SMC5: variants seen among roughly 807,000 people sequenced by gnomAD.
The protein encoded by SMC5 is structural maintenance of chromosomes protein 5.
SMC5 carries 88 observed loss-of-function variants against 148.3 expected under a neutral mutation model. The ratio of observed to expected loss-of-function variants is 0.59; its 90% CI spans 0.50 to 0.71. The LOEUF (loss-of-function observed/expected upper bound fraction) is 0.71. Ranked by LOEUF, SMC5 falls within the 30% of genes least tolerant of loss-of-function variation. The probability of loss-of-function intolerance (pLI) is 0.00; values close to 1 mark genes in which losing one functional copy is unlikely to be tolerated. For missense variants in SMC5, 1,142 were observed against 1,298.9 expected (o/e 0.88, Z 1.86); for synonymous variants, 421 against 432.8 (o/e 0.97, Z 0.34).
chr9:70,348,240 A>G (rs1294904337), intron 22 of SMC5, among the ~76,000 whole-genome samples: 4 of 152,124 alleles, frequency 2.6e-5, no homozygotes, highest in Admixed American at 1.3e-4. Context: ...GGAATTAGTG[A>G]CTAATACCTT....
chr9:70,265,556 CATTAA>C (rs926982225), intron 2 of SMC5, among the ~76,000 whole-genome samples: 1 of 152,076 alleles, frequency 6.6e-6, no homozygotes, highest in Non-Finnish European at 1.5e-5. Context: ...TCTAAACTCT[CATTAA>C]ATTATAAAGT....
At chr9:70,265,807 C>T (rs573120515) in intron 2 of SMC5, among the ~76,000 whole-genome samples, 6 of 152,288 alleles carry the variant, frequency 3.9e-5, no homozygotes, top group African/African-American at 1.2e-4. Flanking sequence ...TTTTAATTCA[C>T]TGGAAGATAA....
intron 11 of SMC5, chr9:70,311,427 T>C (rs1159107460): frequency 6.6e-6 from 1 of 152,158 alleles, no homozygotes; most frequent in Admixed American, 6.5e-5. Flanking sequence ...CCAATGACAA[T>C]GGTAGTATCA....
intron 10 of SMC5, among the ~76,000 whole-genome samples, chr9:70,302,894 T>A (rs12006212): frequency 2.0e-5 from 3 of 151,882 alleles, no homozygotes; most frequent in Admixed American, 1.3e-4. Context: ...GTTTATATAC[T>A]CTGGGGGCCT....
chr9:70,347,462 C>A, intron 20 of SMC5, 151 bp from the exon 21 acceptor site: 1 of 533,004 alleles, frequency 1.9e-6, no homozygotes, highest in Non-Finnish European at 3.3e-6. Flanking sequence ...AAAAATGTCA[C>A]TTTCAGTATG....
intron 3 of SMC5, among the ~76,000 whole-genome samples, 196 bp downstream of exon 3, chr9:70,268,171 A>T (rs1587617577): frequency 6.6e-6 from 1 of 152,244 alleles, no homozygotes; most frequent in Non-Finnish European, 1.5e-5. Context: ...TAGGCTAGCC[A>T]TGGTGGCTCA....
intron 1 of SMC5, among the ~76,000 whole-genome samples, chr9:70,260,190 C>T (rs996546277): frequency 2.0e-5 from 3 of 152,176 alleles, no homozygotes; most frequent in African/African-American, 7.2e-5. Context: ...CTGCAACCTC[C>T]GCCTCCCAGT....
rs149704181 is a variant in SMC5 at position 70,263,143 on chromosome 9, A to G, written c.186-1161A>G. Among the ~76,000 whole-genome samples the G allele has an allele frequency of 3.9e-3, 601 of 152,308 alleles. 3 individuals are homozygous for G. Among genetic ancestry groups the G allele is most frequent in the African/African-American group, 0.013 (556 of 41,578 alleles). On this transcript the variant is annotated intron_variant, in intron 1 of 24. Coordinates refer to ENST00000361138, the MANE Select transcript of SMC5 (RefSeq NM_015110.4). ...CAACAGGAAATCCAAGTGGGGCTTC[A>G]TGTGTTGAGCGTAAGAAGTTCCATG...
intron 8 of SMC5, 63 bp from the exon 9 acceptor site, chr9:70,297,903 A>G (rs942505925): frequency 2.6e-6 from 4 of 1,532,488 alleles, no homozygotes; most frequent in Non-Finnish European, 3.5e-6. Context: ...CTATATTACT[A>G]CAGAAGTCTT....
rs1292150476 is a variant in SMC5, at chr9:70,259,092, G to A, written c.14G>A (p.Ser5Asn). 6.2e-7 allele frequency: 1 copy of A among 1,607,930 alleles called. No individual in the cohort carries two copies. Among genetic ancestry groups the A allele is most frequent in the Non-Finnish European group, 8.5e-7 (1 of 1,176,714 alleles). ...GAGGAAGCCAGGATGGCGACTCCGA[G>A]CAAGAAGACGTCAACTCCAAGCCCC... MATP[S>N]KKTSTPSPQP... Residue 5 changes from serine to asparagine, a missense_variant, in exon 1 of 25, where the codon AGC (serine) becomes AAC (asparagine). Around this residue, in one of 5 missense-constraint regions of SMC5, gnomAD observed 297 missense variants for 302.6 expected, o/e 0.98. Coordinates refer to ENST00000361138, the MANE Select transcript of SMC5 (RefSeq NM_015110.4).
intron 10 of SMC5, among the ~76,000 whole-genome samples, chr9:70,303,125 G>A (rs2035402168): frequency 1.3e-5 from 2 of 152,080 alleles, no homozygotes; most frequent in Non-Finnish European, 1.5e-5. Flanking sequence ...AACTCAGGAG[G>A]CTGAGGTGAG....
At chr9:70,263,022 G>A (rs1180100) in intron 1 of SMC5, among the ~76,000 whole-genome samples, 12,166 of 151,610 alleles carry the variant, frequency 0.08, 594 homozygotes, top group African/African-American at 0.14. Flanking sequence ...ATATCGATGC[G>A]TATTTTATAG....
chr9:70,284,445 T>C (rs1446782533), intron 7 of SMC5, among the ~76,000 whole-genome samples: 1 of 152,192 alleles, frequency 6.6e-6, no homozygotes, highest in Non-Finnish European at 1.5e-5. Context: ...TGGCAGTCGT[T>C]GTTATGTTAA....
chr9:70,347,546 G>T (rs1473733196), intron 20 of SMC5, 67 bp from the exon 21 acceptor site: 7 of 831,296 alleles, frequency 8.4e-6, no homozygotes, highest in Admixed American at 6.5e-5. Flanking sequence ...TTTAATCAAT[G>T]CAAAATTGTA....
At chr9:70,314,405 A>G (rs906623089) in intron 11 of SMC5, among the ~76,000 whole-genome samples, 15 of 152,150 alleles carry the variant, frequency 9.9e-5, no homozygotes, top group African/African-American at 3.4e-4. Context: ...AGAGTTTACA[A>G]TCATTGTTTG....
intron 9 of SMC5, 51 bp downstream of exon 9, chr9:70,298,272 C>T: frequency 6.5e-7 from 1 of 1,536,024 alleles, no homozygotes; most frequent in Non-Finnish European, 8.8e-7. Flanking sequence ...AGATACATCT[C>T]TGTTGATGAA....
chr9:70,318,935 G>A lies in SMC5; in HGVS notation c.2122G>A (p.Glu708Lys). Residue 708 changes from glutamate to lysine, a missense_variant, in exon 15 of 25, where the codon GAA becomes AAA. Coordinates refer to ENST00000361138, the MANE Select transcript of SMC5 (RefSeq NM_015110.4). ...LERKTKKRQL[E>K]QKISSKLGSL... is the part of the protein sequence containing the mutation. ...GAGAAAAACCAAGAAAAGACAACTG[G>A]AACAAAAAATCAGTTCCAAACTAGG... 1 of 1,607,552 alleles carries A rather than the reference G, an allele frequency of 6.2e-7. No individual in the cohort carries two copies.
intron 9 of SMC5, among the ~76,000 whole-genome samples, chr9:70,298,952 A>G (rs2035283515): frequency 6.6e-6 from 1 of 151,730 alleles, no homozygotes; most frequent in Non-Finnish European, 1.5e-5. Flanking sequence ...TACCTTATAA[A>G]ACATCTCTAT....
At chr9:70,268,604 G>GTT (rs886561370) in intron 3 of SMC5, among the ~76,000 whole-genome samples, 18 of 142,124 alleles carry the variant, frequency 1.3e-4, no homozygotes, top group Non-Finnish European at 2.3e-4. Context: ...AAGTATCTGG[G>GTT]TTTTTTTTTT....
Sources: allele counts gnomAD v4.1 joint callset (sites outside exome capture counted in the v4.1 genomes callset), GRCh38; gene constraint gnomAD v4.1.1; regional missense constraint gnomAD v4.1.1; transcripts MANE v1.5; gene names NCBI Gene and HGNC (gene_info 2026-07-23, HGNC 2026-07-21).